FMN1: variants seen among roughly 807,000 people sequenced by gnomAD.
FMN1 encodes the protein formin 1.
Under a neutral mutation model 132.4 loss-of-function variants are expected in FMN1, and 110 were observed. The ratio of observed to expected loss-of-function variants is 0.83; its 90% CI spans 0.71 to 0.97. The LOEUF (loss-of-function observed/expected upper bound fraction) is 0.97. Among genes scored for constraint, FMN1 ranks in the 50% least tolerant of loss-of-function variants. FMN1 has a pLI of 0.00. For missense variants in FMN1, 1,792 were observed against 1,705.3 expected (o/e 1.05, Z -0.90); for synonymous variants, 722 against 651.7 (o/e 1.11, Z -1.64).
At chr15:32,829,207 C>A (rs936838038) in intron 17 of FMN1, among the ~76,000 whole-genome samples, 2 of 152,294 alleles carry the variant, frequency 1.3e-5, no homozygotes, top group Admixed American at 1.3e-4. Context: ...TAGACAAATA[C>A]CCAATAACAA....
intron 17 of FMN1, chr15:32,811,206 C>T (rs2057864796): frequency 5.0e-6 from 2 of 399,728 alleles, no homozygotes; most frequent in African/African-American, 2.1e-5. Context: ...GTATGCTTGC[C>T]CATGGAGGAC....
At chr15:33,128,835 T>G (rs2085182) in intron 4 of FMN1, among the ~76,000 whole-genome samples, 2 of 151,700 alleles carry the variant, frequency 1.3e-5, no homozygotes, top group Non-Finnish European at 2.9e-5. Context: ...GCCTCCGCAA[T>G]GCGGAAGACA....
chr15:32,816,197 C>A (rs926350817), intron 17 of FMN1, among the ~76,000 whole-genome samples: 8 of 152,126 alleles, frequency 5.3e-5, no homozygotes, highest in African/African-American at 1.9e-4. Context: ...ATACGTGTAT[C>A]CCTACAGTAA....
At chr15:32,896,088 G>A (rs1292726843) in intron 15 of FMN1, among the ~76,000 whole-genome samples, 1 of 151,968 alleles carries the variant, frequency 6.6e-6, no homozygotes, top group Non-Finnish European at 1.5e-5. Context: ...AGATCTAGGA[G>A]ATAATTCAAT....
intron 19 of FMN1, among the ~76,000 whole-genome samples, chr15:32,796,781 G>A (rs1049232516): frequency 2.0e-5 from 3 of 152,184 alleles, no homozygotes; most frequent in Non-Finnish European, 4.4e-5. Flanking sequence ...TGGTTGAGGA[G>A]TAATATACAT....
chr15:33,168,280 G>C (rs1965185917), intron 3 of FMN1, among the ~76,000 whole-genome samples: 1 of 152,146 alleles, frequency 6.6e-6, no homozygotes, highest in South Asian at 2.1e-4. Context: ...CCATCAGGGG[G>C]CCTCTAATAT....
At chr15:32,896,758 G>A (rs1000199735) in intron 15 of FMN1, among the ~76,000 whole-genome samples, 1 of 152,064 alleles carries the variant, frequency 6.6e-6, no homozygotes, top group Non-Finnish European at 1.5e-5. Flanking sequence ...TCTTCTTTAT[G>A]GTTGAATAAT....
At chr15:32,821,116 A>T (rs1326085881) in intron 17 of FMN1, among the ~76,000 whole-genome samples, 1 of 119,894 alleles carries the variant, frequency 8.3e-6, no homozygotes, top group Non-Finnish European at 1.9e-5. Context: ...TCTAAGATAC[A>T]ATTTTCTAAG....
At chr15:32,901,499 C>T (rs1387044466) in intron 13 of FMN1, among the ~76,000 whole-genome samples, 6 of 152,178 alleles carry the variant, frequency 3.9e-5, no homozygotes, top group Non-Finnish European at 8.8e-5. Context: ...TTTCACTTAT[C>T]AAGTCTCTAG....
intron 17 of FMN1, among the ~76,000 whole-genome samples, chr15:32,822,799 GTGTC>G (rs140338682): frequency 0.017 from 2,592 of 152,134 alleles, 81 homozygotes; most frequent in African/African-American, 0.059. Context: ...TTTTATGAAG[GTGTC>G]TGTATCTTAT....
At chr15:32,980,760 T>C (rs761553489) in intron 7 of FMN1, among the ~76,000 whole-genome samples, 5 of 152,184 alleles carry the variant, frequency 3.3e-5, no homozygotes, top group Admixed American at 6.5e-5. Flanking sequence ...TTCAGACTCA[T>C]GCATATACAC....
At chr15:32,959,836 C>T (rs1190291780) in intron 9 of FMN1, among the ~76,000 whole-genome samples, 2 of 152,148 alleles carry the variant, frequency 1.3e-5, no homozygotes, top group Admixed American at 1.3e-4. Context: ...AACATGTTTT[C>T]AAGCATCTGG....
At chr15:33,019,843 C>T (rs2035322171) in intron 6 of FMN1, among the ~76,000 whole-genome samples, 1 of 152,204 alleles carries the variant, frequency 6.6e-6, no homozygotes, top group Non-Finnish European at 1.5e-5. Context: ...CCCTGGTTCC[C>T]GTCCGTGCCT....
rs1043508455 is a variant in FMN1 at position 32,873,377 on chromosome 15, G to A, written c.3835+14795C>T. Among the ~76,000 whole-genome samples, 12 of 152,318 alleles carry A rather than the reference G, an allele frequency of 7.9e-5. No homozygotes were observed. In the East Asian group the frequency reaches 2.3e-3, roughly 29 times the overall value. Reference sequence around the variant, plus strand: ...CCAATAGTCTCGCTTGCTGGACGCCGTTAGTGGTATTAACGGGAAGCCTCC... The same window carrying A: ...CCAATAGTCTCGCTTGCTGGACGCCATTAGTGGTATTAACGGGAAGCCTCC... On this transcript the variant is annotated intron_variant, in intron 16 of 20. Transcript: ENST00000616417.
Position 33,154,462 on chromosome 15 carries a change from C to G in FMN1, c.453G>C (p.Arg151Ser). 6.5e-7 allele frequency: 1 copy of G among 1,536,054 alleles called. No homozygotes were observed. Among genetic ancestry groups the G allele is most frequent in the East Asian group, 2.4e-5 (1 of 40,888 alleles). The change falls in exon 4 of 21, where the codon AGG (arginine) becomes AGC (serine). Residue 151 changes from arginine to serine, a missense_variant. Transcript: ENST00000616417. Reference protein sequence around the residue: ...GELPVGPLNKRSTHGNKKPRR... With the variant: ...GELPVGPLNKSSTHGNKKPRR... ...GAGGCTTTTTGTTCCCGTGGGTGCT[C>G]CTCTTATTGAGAGGGCCCACGGGGA...
intron 4 of FMN1, among the ~76,000 whole-genome samples, chr15:33,141,601 T>C (rs1314403738): frequency 6.6e-6 from 1 of 152,148 alleles, no homozygotes; most frequent in Admixed American, 6.5e-5. Context: ...CCTCAGGTGA[T>C]AATGTAGGGA....
chr15:32,922,763 A>G (rs564706634), intron 10 of FMN1, among the ~76,000 whole-genome samples: 27 of 152,362 alleles, frequency 1.8e-4, no homozygotes, highest in African/African-American at 6.5e-4. Context: ...AAGGCCTGTA[A>G]GTACTTCTAT....
intron 14 of FMN1, 45 bp downstream of exon 14, chr15:32,899,932 AAG>A: frequency 6.3e-7 from 1 of 1,584,802 alleles, no homozygotes; most frequent in Non-Finnish European, 8.6e-7. Context: ...AAGGTAAAGA[AAG>A]AAAATAATGG....
At chr15:33,018,706 G>A (rs1052209096) in intron 6 of FMN1, among the ~76,000 whole-genome samples, 4 of 152,078 alleles carry the variant, frequency 2.6e-5, no homozygotes, top group African/African-American at 9.7e-5. Context: ...CCCTTGCCAT[G>A]ACTGTTACGG....
Sources: gnomAD v4.1 joint callset for allele counts (sites outside exome capture counted in the v4.1 genomes callset) on GRCh38, gnomAD v4.1.1 for gene constraint, MANE v1.5 for transcripts, NCBI Gene and HGNC (gene_info 2026-07-23, HGNC 2026-07-21) for gene names.